The following RGS17 variants were observed in gnomAD, a reference collection of about 807,000 sequenced individuals.
RGS17 encodes the protein regulator of G-protein signaling 17.
RGS17 carries 12 observed loss-of-function variants against 25.5 expected under a neutral mutation model. The observed-to-expected ratio is 0.47, with a 90% CI of 0.30 to 0.76. RGS17 has a LOEUF of 0.76. Ranked by LOEUF, RGS17 falls within the 30% of genes least tolerant of loss-of-function variation. The pLI is 0.07. For missense variants in RGS17, 196 were observed against 242.2 expected (o/e 0.81, Z 1.27); for synonymous variants, 71 against 76.9 (o/e 0.92, Z 0.40).
chr6:153,039,590 T>C (rs1273755957), intron 2 of RGS17, among the ~76,000 whole-genome samples: 3 of 152,176 alleles, frequency 2.0e-5, no homozygotes, highest in Non-Finnish European at 2.9e-5. Flanking sequence ...AGCGTCAGTA[T>C]TAAAAGAGGA....
chr6:153,088,496 T>C (rs1266741407), intron 1 of RGS17, among the ~76,000 whole-genome samples: 1 of 152,258 alleles, frequency 6.6e-6, no homozygotes. Flanking sequence ...ACATTTTTCT[T>C]AAATTGCTTT....
intron 2 of RGS17, among the ~76,000 whole-genome samples, chr6:153,027,874 G>T (rs1365155062): frequency 1.3e-5 from 2 of 152,234 alleles, no homozygotes; most frequent in Non-Finnish European, 2.9e-5. Flanking sequence ...TGGAAAGAAA[G>T]TGTTTAGGAA....
At chr6:153,020,444 C>T (rs1318603160) in intron 4 of RGS17, among the ~76,000 whole-genome samples, 9 of 151,728 alleles carry the variant, frequency 5.9e-5, no homozygotes, top group South Asian at 4.1e-4. Flanking sequence ...TGAGCCACCG[C>T]GCCCGGTGAT....
intron 4 of RGS17, among the ~76,000 whole-genome samples, chr6:153,020,456 T>C (rs1235827362): frequency 6.6e-6 from 1 of 151,972 alleles, no homozygotes; most frequent in Non-Finnish European, 1.5e-5. Flanking sequence ...CCCGGTGATA[T>C]CTCTTATTTT....
intron 1 of RGS17, among the ~76,000 whole-genome samples, chr6:153,082,523 C>T (rs1776999867): frequency 6.6e-6 from 1 of 151,998 alleles, no homozygotes; most frequent in African/African-American, 2.4e-5. Flanking sequence ...TGAATTTTTA[C>T]CTATGAGTTT....
intron 2 of RGS17, among the ~76,000 whole-genome samples, chr6:153,035,537 G>A (rs1312854342): frequency 2.0e-5 from 3 of 152,050 alleles, no homozygotes; most frequent in Admixed American, 2.0e-4. Flanking sequence ...GCAAAAGTAG[G>A]GTTAATACTT....
At chr6:153,123,284 C>T (rs933968529) in intron 1 of RGS17, among the ~76,000 whole-genome samples, 2 of 151,896 alleles carry the variant, frequency 1.3e-5, no homozygotes, top group African/African-American at 4.8e-5. Context: ...GAAATAGGTT[C>T]AAATCTTACA....
chr6:153,065,186 A>T (rs1464866524), intron 1 of RGS17, among the ~76,000 whole-genome samples: 1 of 152,206 alleles, frequency 6.6e-6, no homozygotes, highest in Non-Finnish European at 1.5e-5. Flanking sequence ...TCAATACAAA[A>T]ACTGTAAGAA....
intron 1 of RGS17, among the ~76,000 whole-genome samples, chr6:153,048,391 C>A (rs565543330): frequency 6.6e-6 from 1 of 152,292 alleles, no homozygotes; most frequent in South Asian, 2.1e-4. Flanking sequence ...CCTCCTATCT[C>A]CTTCTATTAC....
intron 2 of RGS17, among the ~76,000 whole-genome samples, chr6:153,038,586 G>A (rs1025654973): frequency 6.6e-6 from 1 of 152,198 alleles, no homozygotes; most frequent in Non-Finnish European, 1.5e-5. Context: ...GCTCTCTGAG[G>A]GTGACAGGCA....
intron 1 of RGS17, among the ~76,000 whole-genome samples, chr6:153,062,190 C>T (rs1018559686): frequency 7.2e-6 from 1 of 138,952 alleles, no homozygotes; most frequent in Non-Finnish European, 1.5e-5. Context: ...ACTCACAATA[C>T]CTGGTTTTAA....
At chr6:153,088,972 CT>C (rs1777088690) in intron 1 of RGS17, among the ~76,000 whole-genome samples, 1 of 152,060 alleles carries the variant, frequency 6.6e-6, no homozygotes, top group Non-Finnish European at 1.5e-5. Flanking sequence ...AATTGCTCAC[CT>C]AATGATTTTC....
At chr6:153,080,091 C>A (rs1339222391) in intron 1 of RGS17, among the ~76,000 whole-genome samples, 1 of 152,154 alleles carries the variant, frequency 6.6e-6, no homozygotes, top group Non-Finnish European at 1.5e-5. Context: ...AAGTGATTCT[C>A]CTGACTCAGC....
intron 2 of RGS17, among the ~76,000 whole-genome samples, chr6:153,035,803 A>C (rs528154610): frequency 6.6e-6 from 1 of 152,160 alleles, no homozygotes; most frequent in Non-Finnish European, 1.5e-5. Flanking sequence ...GGAGGAGCAT[A>C]TGGGGTCTTA....
chr6:153,064,457 C>T (rs1307361611), intron 1 of RGS17, among the ~76,000 whole-genome samples: 4 of 151,954 alleles, frequency 2.6e-5, no homozygotes, highest in Non-Finnish European at 4.4e-5. Context: ...GGTGAAACCC[C>T]GTCTCTACTA....
chr6:153,030,550 C>T (rs556163786), intron 2 of RGS17, among the ~76,000 whole-genome samples: 3 of 152,258 alleles, frequency 2.0e-5, no homozygotes, highest in Non-Finnish European at 4.4e-5. Flanking sequence ...GCAGTCTATT[C>T]AATATTGAAA....
At chr6:153,113,674 T>C (rs1413369569) in intron 1 of RGS17, among the ~76,000 whole-genome samples, 7 of 152,252 alleles carry the variant, frequency 4.6e-5, no homozygotes, top group African/African-American at 1.7e-4. Context: ...GACCACATAA[T>C]TGGAAGTAAA....
chr6:153,055,786 G>C (rs370941412), intron 1 of RGS17, among the ~76,000 whole-genome samples: 3 of 152,126 alleles, frequency 2.0e-5, no homozygotes, highest in Admixed American at 6.5e-5. Context: ...TTTCATTGTC[G>C]TGCATTAGTT....
At chr6:153,057,437 G>A (rs979011910) in intron 1 of RGS17, among the ~76,000 whole-genome samples, 25 of 152,186 alleles carry the variant, frequency 1.6e-4, no homozygotes, top group Admixed American at 6.5e-4. Context: ...CTCCCAAGCT[G>A]TATTACAATA....
Sources: gnomAD v4.1 joint callset for allele counts (sites outside exome capture counted in the v4.1 genomes callset) on GRCh38, gnomAD v4.1.1 for gene constraint, MANE v1.5 for transcripts, NCBI Gene and HGNC (gene_info 2026-07-23, HGNC 2026-07-21) for gene names.